PRKDC: variants seen among roughly 807,000 people sequenced by gnomAD.
PRKDC encodes the protein protein kinase, DNA-activated, catalytic subunit.
In PRKDC, 82 loss-of-function variants were observed where a neutral mutation model predicts 486.9. That is an observed-to-expected ratio of 0.17 (90% CI 0.14 to 0.20). PRKDC has a LOEUF of 0.20. Ranked by LOEUF, PRKDC falls within the 10% of genes least tolerant of loss-of-function variation. The pLI, the probability that PRKDC is intolerant of heterozygous loss-of-function variation, is 1.00. For synonymous variants in PRKDC, 1,895 were observed against 1,837.0 expected (o/e 1.03, Z -0.81); for missense variants, 4,504 against 5,038.2 (o/e 0.89, Z 3.21).
At chr8:47,863,148 A>T (rs893396622) in intron 42 of PRKDC, among the ~76,000 whole-genome samples, 1 of 152,194 alleles carries the variant, frequency 6.6e-6, no homozygotes, top group Non-Finnish European at 1.5e-5. Context: ...GGGGAAAAAC[A>T]GTAGGAAAAG....
chr8:47,958,805 G>A (rs1280475621), intron 1 of PRKDC, among the ~76,000 whole-genome samples: 1 of 149,216 alleles, frequency 6.7e-6, no homozygotes, highest in Admixed American at 6.8e-5. Flanking sequence ...GCACAATCTC[G>A]GCTCACTGCA....
At chr8:47,843,570 A>G (rs759773390) in intron 54 of PRKDC, among the ~76,000 whole-genome samples, 3 of 152,210 alleles carry the variant, frequency 2.0e-5, no homozygotes, top group Non-Finnish European at 4.4e-5. Context: ...ATACTATACA[A>G]GACCATCCCC....
At chr8:47,899,920 A>G (rs1454368466) in intron 28 of PRKDC, among the ~76,000 whole-genome samples, 1 of 152,200 alleles carries the variant, frequency 6.6e-6, no homozygotes, top group African/African-American at 2.4e-5. Flanking sequence ...TTCCTTCATC[A>G]TGGATGAAAC....
rs2087146631 is a variant in PRKDC at position 47,803,231 on chromosome 8, CA to C, written c.9922+74del. 1.0e-4 allele frequency: 141 copies of C among 1,407,692 alleles called. No homozygotes were observed. In the South Asian group the frequency reaches 2.0e-3, roughly 20 times the overall value. The allele number at this position is 1,407,692 out of a possible 1,614,324, so 87.2% of individuals were successfully genotyped here. A position where few individuals can be genotyped will look rare whatever the true frequency, so the allele number is the denominator to read the frequency against. ...CTCCCAAATGTCAGATGATGCAGCA[CA>C]AAGAAGAGGAAGATACACAAGACAA... On this transcript the variant is annotated intron_variant, in intron 70 of 85. Transcript: ENST00000314191.
chr8:47,931,721 C>T (rs943603816), intron 16 of PRKDC, among the ~76,000 whole-genome samples: 10 of 152,138 alleles, frequency 6.6e-5, no homozygotes, highest in African/African-American at 1.9e-4. Context: ...GAGGTACTGA[C>T]GCATGAACTC....
chr8:47,899,152 GAA>G (rs1039702436), intron 28 of PRKDC, among the ~76,000 whole-genome samples: 5 of 152,156 alleles, frequency 3.3e-5, no homozygotes, highest in African/African-American at 1.2e-4. Flanking sequence ...GTGTCACCAA[GAA>G]AAAGTTTTCT....
intron 7 of PRKDC, among the ~76,000 whole-genome samples, chr8:47,952,154 A>G (rs1245740641): frequency 6.6e-6 from 1 of 152,224 alleles, no homozygotes; most frequent in Non-Finnish European, 1.5e-5. Flanking sequence ...CTGCCAACAG[A>G]TTTCTGTACA....
At chr8:47,900,497 T>C (rs1442974304) in intron 27 of PRKDC, 30 bp from the exon 28 acceptor site, 2 of 1,517,508 alleles carry the variant, frequency 1.3e-6, no homozygotes, top group Non-Finnish European at 1.8e-6. Flanking sequence ...AAACCTCACC[T>C]AAGAAAACAA....
chr8:47,851,844 C>A (rs906804219), intron 52 of PRKDC, among the ~76,000 whole-genome samples: 1 of 152,196 alleles, frequency 6.6e-6, no homozygotes, highest in African/African-American at 2.4e-5. Context: ...GCCACCCAGA[C>A]AGGCTCTGCA....
In PRKDC at chr8:47,788,927, G is replaced by T; in HGVS notation, c.10881C>A (p.Ala3627=). 1 of 1,595,974 alleles carries T rather than the reference G, an allele frequency of 6.3e-7. No individual in the cohort carries two copies. The highest frequency in any genetic ancestry group is 2.2e-5 in the East Asian group (1 of 44,712). ...ATACCTGAATAAACTTCCTTCTAAAGGCCCCCAGGCCTGGAGCCTTTGGGT... is the reference window on the plus strand; with the variant it reads ...ATACCTGAATAAACTTCCTTCTAAATGCCCCCAGGCCTGGAGCCTTTGGGT... ...LGDPKAPGLG[A]FRRKFIQTFG... is the part of the protein sequence containing the mutation. The change falls in exon 76 of 86, where the codon GCC becomes GCA. Residue 3627 remains alanine (A), a synonymous_variant. Coordinates refer to ENST00000314191, the MANE Select transcript of PRKDC (RefSeq NM_006904.7).
intron 24 of PRKDC, 140 bp downstream of exon 24, chr8:47,913,761 T>C (rs2089944030): frequency 1.3e-6 from 1 of 783,128 alleles, no homozygotes; most frequent in East Asian, 3.2e-5. Flanking sequence ...AATAAGTAAG[T>C]AGTTTTCTAA....
intron 11 of PRKDC, among the ~76,000 whole-genome samples, chr8:47,939,315 CAT>C (rs2090401637): frequency 6.6e-6 from 1 of 152,196 alleles, no homozygotes; most frequent in Non-Finnish European, 1.5e-5. Context: ...GTGGAAGCCT[CAT>C]ATACAAAAGG....
chr8:47,827,973 C>T (rs2087773641), intron 62 of PRKDC, among the ~76,000 whole-genome samples, 195 bp downstream of exon 62: 1 of 152,128 alleles, frequency 6.6e-6, no homozygotes, highest in African/African-American at 2.4e-5. Context: ...GTTATTCTGT[C>T]ACATATCGGT....
intron 40 of PRKDC, 94 bp from the exon 41 acceptor site, chr8:47,864,857 A>G (rs1442718752): frequency 2.8e-6 from 3 of 1,065,384 alleles, no homozygotes; most frequent in Non-Finnish European, 3.9e-6. Context: ...AACACCAGTG[A>G]TTACAAATTA....
chr8:47,957,841 T>C (rs564516442), intron 1 of PRKDC, among the ~76,000 whole-genome samples: 1 of 152,252 alleles, frequency 6.6e-6, no homozygotes, highest in South Asian at 2.1e-4. Context: ...CAAGGCAGCC[T>C]TATAAATATA....
chr8:47,915,946 C>T (rs1471657240), intron 22 of PRKDC, among the ~76,000 whole-genome samples: 1 of 152,194 alleles, frequency 6.6e-6, no homozygotes, highest in African/African-American at 2.4e-5. Context: ...GAATTCTTAT[C>T]ATGAACTCTA....
chr8:47,899,872 C>G (rs1310122426), intron 28 of PRKDC, among the ~76,000 whole-genome samples: 1 of 152,204 alleles, frequency 6.6e-6, no homozygotes, highest in Non-Finnish European at 1.5e-5. Flanking sequence ...ACTCTCTTAG[C>G]TATTTTAGCC....
chr8:47,825,258 G>A (rs772000625), intron 63 of PRKDC, among the ~76,000 whole-genome samples: 6 of 152,098 alleles, frequency 3.9e-5, no homozygotes, highest in African/African-American at 9.7e-5. Context: ...GGCTAAGGCC[G>A]GGTGTGGTGG....
chr8:47,841,956 GC>G (rs1292706987), intron 54 of PRKDC, among the ~76,000 whole-genome samples: 3 of 152,202 alleles, frequency 2.0e-5, no homozygotes, highest in Non-Finnish European at 4.4e-5. Flanking sequence ...CACCTCACCA[GC>G]TGCACAACCA....
Sources: allele counts gnomAD v4.1 joint callset (sites outside exome capture counted in the v4.1 genomes callset), GRCh38; gene constraint gnomAD v4.1.1; transcripts MANE v1.5; gene names NCBI Gene and HGNC (gene_info 2026-07-23, HGNC 2026-07-21).